The following NCAPD2 variants were observed in gnomAD, a reference collection of about 807,000 sequenced individuals.
The protein encoded by NCAPD2 is non-SMC condensin I complex subunit D2, also known as condensin complex subunit 1.
NCAPD2 carries 100 observed loss-of-function variants against 164.5 expected under a neutral mutation model. The ratio of observed to expected loss-of-function variants is 0.61; its 90% CI spans 0.52 to 0.72. The LOEUF (loss-of-function observed/expected upper bound fraction) is 0.72, where lower values mean the gene tolerates loss of function less well. Among genes scored for constraint, NCAPD2 ranks in the 30% least tolerant of loss-of-function variants. NCAPD2 has a pLI of 0.00. For missense variants in NCAPD2, 1,560 were observed against 1,749.2 expected (o/e 0.89, Z 1.93); for synonymous variants, 585 against 642.6 (o/e 0.91, Z 1.36).
rs61752289 is a variant in NCAPD2, at chr12:6,531,353, G to A, written c.4147G>A (p.Glu1383Lys). ...EDLSAEMTED[E>K]TPKKTTPILR... is the part of the protein sequence containing the mutation. The stretch of plus-strand genomic sequence containing the variant: ...TCTTTCAGCAGAGATGACAGAAGAC[G>A]AGACACCCAAGAAAACAACTCCCAT... Residue 1383 changes from glutamate to lysine, a missense_variant, in exon 32 of 32, where the codon GAG (glutamate) becomes AAG (lysine). Coordinates refer to ENST00000315579, the MANE Select transcript of NCAPD2 (RefSeq NM_014865.4). This position sits in a 1 kb window ranked among gnomAD's most constrained non-coding sequence, Gnocchi z 4.1. 4,572 of 1,613,674 alleles carry A rather than the reference G, an allele frequency of 2.8e-3. 157 individuals are homozygous for A. In the Admixed American group the frequency reaches 0.063, roughly 22 times the overall value.
intron 9 of NCAPD2, among the ~76,000 whole-genome samples, chr12:6,516,503 AAAAC>A (rs370660882): frequency 5.9e-5 from 9 of 152,328 alleles, no homozygotes; most frequent in Non-Finnish European, 1.0e-4. Context: ...CTCCGTCTCA[AAAAC>A]AAACAAACAA....
At chr12:6,508,110 C>T (rs1418756077) in intron 2 of NCAPD2, among the ~76,000 whole-genome samples, 1 of 152,144 alleles carries the variant, frequency 6.6e-6, no homozygotes, top group Non-Finnish European at 1.5e-5. Flanking sequence ...GCAGGTGGAT[C>T]ATGAGATCAA....
intron 6 of NCAPD2, among the ~76,000 whole-genome samples, chr12:6,512,196 C>T (rs1199369897): frequency 6.0e-5 from 9 of 148,908 alleles, no homozygotes; most frequent in African/African-American, 2.0e-4. Context: ...GGCGTGAACC[C>T]GGGAGGTGGA....
intron 17 of NCAPD2, 62 bp from the exon 18 acceptor site, chr12:6,525,521 A>G: frequency 6.4e-7 from 1 of 1,552,710 alleles, no homozygotes; most frequent in South Asian, 1.1e-5. Context: ...TCTTCAGAAA[A>G]GCAGACCAAA....
rs1487960768 is a variant in NCAPD2 at position 6,527,066 on chromosome 12, G to T, written c.2907+3G>T. 6.2e-7 allele frequency: 1 copy of T among 1,608,124 alleles called. No individual in the cohort carries two copies. Among genetic ancestry groups the T allele is most frequent in the Admixed American group, 1.7e-5 (1 of 59,488 alleles). Reference sequence around the variant, plus strand: ...AGACCAAAGATCCCAAGGAGAAGGTGTGTGAATGTCCTCAGCACTTCCCAG... The same window carrying T: ...AGACCAAAGATCCCAAGGAGAAGGTTTGTGAATGTCCTCAGCACTTCCCAG... On this transcript the variant is annotated splice_donor_region_variant and intron_variant, in intron 22 of 31. Transcript: ENST00000315579.
chr12:6,499,107 A>G (rs1324759399), intron 2 of NCAPD2, among the ~76,000 whole-genome samples: 4 of 152,132 alleles, frequency 2.6e-5, no homozygotes, highest in Non-Finnish European at 5.9e-5. Flanking sequence ...GATGGTTCAC[A>G]TCCCAGGCAG....
Position 6,530,733 on chromosome 12 carries a change from A to C in NCAPD2, c.3880A>C (p.Thr1294Pro). 6.2e-7 allele frequency: 1 copy of C among 1,614,080 alleles called. No homozygotes were observed. Among genetic ancestry groups the C allele is most frequent in the Non-Finnish European group, 8.5e-7 (1 of 1,180,022 alleles). The change falls in exon 30 of 32, where the codon ACC becomes CCC. Residue 1294 changes from threonine (T) to proline (P), a missense_variant. Thr to Pro is a conservative substitution (Grantham distance 38). Coordinates refer to ENST00000315579, the MANE Select transcript of NCAPD2 (RefSeq NM_014865.4). The part of the protein sequence containing the change: ...EFEQKLRACH[T>P]RGLDGIKELE... ...TGAGCAGAAGCTTCGGGCCTGTCAT[A>C]CCAGAGGTTTGGATGGAATCAAGGA...
Position 6,517,772 on chromosome 12 carries a change from C to A in NCAPD2, c.1409-7C>A. ...AGTGAAAGAGACTAAGTGACACTCT[C>A]ATTTAGCTGCAGTGCTGGACCCAGA... On this transcript the variant is annotated splice_polypyrimidine_tract_variant and splice_region_variant and intron_variant, in intron 12 of 31. Transcript: ENST00000315579. 2 of 1,614,106 alleles carry A rather than the reference C, an allele frequency of 1.2e-6. No individual in the cohort carries two copies. Among genetic ancestry groups the A allele is most frequent in the Non-Finnish European group, 8.5e-7 (1 of 1,179,982 alleles).
intron 2 of NCAPD2, among the ~76,000 whole-genome samples, chr12:6,509,470 C>T (rs1380998333): frequency 6.6e-6 from 1 of 152,102 alleles, no homozygotes; most frequent in Non-Finnish European, 1.5e-5. Flanking sequence ...ACGATGTTGG[C>T]CAGGCTGGTC....
chr12:6,511,138 A>T lies in NCAPD2; in HGVS notation c.473A>T (p.His158Leu), dbSNP rs1384416154. 1.2e-6 allele frequency: 2 copies of T among 1,614,156 alleles called. No individual in the cohort carries two copies. Among genetic ancestry groups the T allele is most frequent in the African/African-American group, 1.3e-5 (1 of 75,040 alleles). The change falls in exon 6 of 32, where the codon CAT becomes CTT. Residue 158 changes from histidine (H) to leucine (L), a missense_variant. Physicochemically the swap from His to Leu is moderately conservative, Grantham distance 99. Coordinates refer to ENST00000315579, the MANE Select transcript of NCAPD2 (RefSeq NM_014865.4). Reference sequence around the variant, plus strand: ...AAGAAAGCTCGGACCAAGGCAGCCCATGGCTTTGACTGGGAAGAAGAGAGG... The same window carrying T: ...AAGAAAGCTCGGACCAAGGCAGCCCTTGGCTTTGACTGGGAAGAAGAGAGG... ...KGKKARTKAA[H>L]GFDWEEERQP...
chr12:6,511,492 G>A (rs983262788), intron 6 of NCAPD2, among the ~76,000 whole-genome samples: 4 of 151,868 alleles, frequency 2.6e-5, no homozygotes, highest in Non-Finnish European at 5.9e-5. Context: ...GCCACCACAA[G>A]CTGATTTTTG....
At chr12:6,495,024 C>T (rs1329427195) in intron 1 of NCAPD2, 52 bp from the exon 2 acceptor site, 2 of 1,565,752 alleles carry the variant, frequency 1.3e-6, no homozygotes, top group African/African-American at 1.4e-5. Flanking sequence ...GAACCAGATA[C>T]GAAGACAGGT....
At chr12:6,509,607 T>C in intron 2 of NCAPD2, 110 bp from the exon 3 acceptor site, 1 of 1,024,194 alleles carries the variant, frequency 9.8e-7, no homozygotes, top group Non-Finnish European at 1.5e-6. Context: ...TTTGTCTCTT[T>C]TTTGTGATTC....
chr12:6,507,522 G>A (rs1475902544), intron 2 of NCAPD2, among the ~76,000 whole-genome samples: 1 of 152,218 alleles, frequency 6.6e-6, no homozygotes, highest in Non-Finnish European at 1.5e-5. Context: ...CGCAAGTCCT[G>A]CCCCTGTACC....
rs1946132578 is a variant in NCAPD2, at chr12:6,510,136, G to A, written c.262+3G>A. 1 of 1,606,324 alleles carries A rather than the reference G, an allele frequency of 6.2e-7. No individual in the cohort carries two copies. The highest frequency in any genetic ancestry group is 1.1e-5 in the South Asian group (1 of 90,922). On this transcript the variant is annotated splice_donor_region_variant and intron_variant, in intron 4 of 31. Coordinates refer to ENST00000315579, the MANE Select transcript of NCAPD2 (RefSeq NM_014865.4). ...TACTCTGCAATTCCTGATAAAAGGT[G>A]TTTATGGGTCAGGGGGTAGGGGATG...
chr12:6,523,983 G>A (rs1408702208), intron 17 of NCAPD2, among the ~76,000 whole-genome samples: 5 of 152,140 alleles, frequency 3.3e-5, no homozygotes, highest in Admixed American at 1.3e-4. Context: ...TAATCCTCAC[G>A]ACAGCCCTGT....
chr12:6,518,231 G>A (rs1235092350), intron 13 of NCAPD2: 1 of 249,116 alleles, frequency 4.0e-6, no homozygotes, highest in East Asian at 9.2e-5. Context: ...TTGAAGAAGA[G>A]CACCTATAAA....
intron 15 of NCAPD2, among the ~76,000 whole-genome samples, chr12:6,522,540 A>C (rs966147034): frequency 1.3e-5 from 2 of 151,726 alleles, no homozygotes; most frequent in African/African-American, 4.8e-5. Context: ...AGCTGTGGTC[A>C]TGCCACTGCA....
chr12:6,503,740 C>T (rs1220067654), intron 2 of NCAPD2, among the ~76,000 whole-genome samples: 2 of 149,818 alleles, frequency 1.3e-5, no homozygotes, highest in East Asian at 3.9e-4. Context: ...CACTGCACTT[C>T]AGCCTGGGTG....
Sources: gnomAD v4.1 joint callset for allele counts (sites outside exome capture counted in the v4.1 genomes callset) on GRCh38, gnomAD v4.1.1 for gene constraint, Gnocchi (gnomAD v3.1) non-coding constraint, MANE v1.5 for transcripts, NCBI Gene and HGNC (gene_info 2026-07-23, HGNC 2026-07-21) for gene names.